Variants in CA10 observed in about 807,000 individuals in gnomAD.
The protein encoded by CA10 is carbonic anhydrase-related protein 10.
CA10 carries 14 observed loss-of-function variants against 44.2 expected under a neutral mutation model. The ratio of observed to expected loss-of-function variants is 0.32; its 90% CI spans 0.21 to 0.50. The LOEUF (loss-of-function observed/expected upper bound fraction) is 0.50, where lower values mean the gene tolerates loss of function less well. CA10 is among the 20% of genes least tolerant of loss of function. The pLI is 0.99. For missense variants in CA10, 350 were observed against 409.7 expected (o/e 0.85, Z 1.26); for synonymous variants, 159 against 141.6 (o/e 1.12, Z -0.87).
At chr17:51,851,613 T>C (rs970351143) in intron 3 of CA10, among the ~76,000 whole-genome samples, 5 of 152,220 alleles carry the variant, frequency 3.3e-5, no homozygotes, top group Non-Finnish European at 7.3e-5. Context: ...TGAAGCAACT[T>C]ATTTTAGGGT....
At chr17:52,130,695 CTTCT>C (rs919620202) in intron 1 of CA10, among the ~76,000 whole-genome samples, 11 of 151,854 alleles carry the variant, frequency 7.2e-5, no homozygotes, top group African/African-American at 2.4e-4. Context: ...GTCTTTTTTT[CTTCT>C]TTCTTTCTTT....
intron 2 of CA10, among the ~76,000 whole-genome samples, chr17:52,001,767 G>A (rs372544721): frequency 1.3e-5 from 2 of 151,972 alleles, no homozygotes; most frequent in African/African-American, 2.4e-5. Context: ...AAACTATCCT[G>A]CCTGAAGCAG....
intron 2 of CA10, among the ~76,000 whole-genome samples, chr17:52,013,341 G>C (rs984069572): frequency 6.6e-6 from 1 of 151,546 alleles, no homozygotes; most frequent in Non-Finnish European, 1.5e-5. Context: ...AGAAGAGATA[G>C]AAATCACAAT....
chr17:51,662,700 T>A (rs1360127337), intron 4 of CA10, among the ~76,000 whole-genome samples: 10 of 152,224 alleles, frequency 6.6e-5, no homozygotes, highest in African/African-American at 2.4e-4. Flanking sequence ...GTAACTATCA[T>A]GGGTCTGTCC....
At chr17:51,935,591 T>G (rs1048312013) in intron 2 of CA10, among the ~76,000 whole-genome samples, 2 of 152,198 alleles carry the variant, frequency 1.3e-5, no homozygotes, top group African/African-American at 4.8e-5. Context: ...AGCGATGTGT[T>G]ATCTTGCCAA....
chr17:51,663,239 T>TAAC (rs1914074900), intron 4 of CA10, among the ~76,000 whole-genome samples: 1 of 402 alleles, frequency 2.5e-3, no homozygotes, highest in Non-Finnish European at 5.5e-3. Context: ...TCGAGACCAC[T>TAAC]TTTTCTCGAT....
intron 1 of CA10, among the ~76,000 whole-genome samples, chr17:52,103,200 T>C (rs1411547116): frequency 6.6e-6 from 1 of 152,172 alleles, no homozygotes; most frequent in Non-Finnish European, 1.5e-5. Context: ...TACACAGCCC[T>C]AAGTAAGACT....
intron 3 of CA10, among the ~76,000 whole-genome samples, chr17:51,865,653 T>C (rs953068953): frequency 6.6e-6 from 1 of 152,196 alleles, no homozygotes; most frequent in African/African-American, 2.4e-5. Flanking sequence ...AGATAGAAGT[T>C]ATTCTTCCAA....
chr17:51,702,157 T>A (rs116951203), intron 4 of CA10, among the ~76,000 whole-genome samples: 1 of 152,230 alleles, frequency 6.6e-6, no homozygotes, highest in Admixed American at 6.5e-5. Flanking sequence ...GCACCTATTA[T>A]GTGCCAGGCA....
intron 3 of CA10, among the ~76,000 whole-genome samples, chr17:51,870,454 C>T (rs563374335): frequency 2.6e-5 from 4 of 152,264 alleles, no homozygotes; most frequent in African/African-American, 9.6e-5. Flanking sequence ...TCAAATAAGT[C>T]CATCAAGGTG....
At chr17:52,071,333 A>C (rs1447191826) in intron 2 of CA10, among the ~76,000 whole-genome samples, 1 of 152,192 alleles carries the variant, frequency 6.6e-6, no homozygotes, top group Non-Finnish European at 1.5e-5. Context: ...CTCCAACTGC[A>C]AAGCCTCACG....
intron 2 of CA10, among the ~76,000 whole-genome samples, chr17:51,943,254 G>T (rs1220522775): frequency 6.6e-6 from 1 of 152,082 alleles, no homozygotes; most frequent in African/African-American, 2.4e-5. Flanking sequence ...TAGAGAAGCT[G>T]GTTAGGTGCT....
chr17:51,636,331 C>A (rs1567783006), intron 6 of CA10, among the ~76,000 whole-genome samples: 1 of 152,200 alleles, frequency 6.6e-6, no homozygotes, highest in Non-Finnish European at 1.5e-5. Context: ...GAGCAGTAAA[C>A]ACCTGGACCT....
At chr17:51,860,366 G>C (rs1247977812) in intron 3 of CA10, among the ~76,000 whole-genome samples, 1 of 152,162 alleles carries the variant, frequency 6.6e-6, no homozygotes, top group Non-Finnish European at 1.5e-5. Flanking sequence ...GCATTGTCTT[G>C]TTTTCTTTCT....
At chr17:52,057,137 A>G (rs1173887892) in intron 2 of CA10, among the ~76,000 whole-genome samples, 2 of 152,104 alleles carry the variant, frequency 1.3e-5, no homozygotes, top group Non-Finnish European at 2.9e-5. Context: ...TGCATAGTAG[A>G]GAATCAGTAA....
intron 2 of CA10, among the ~76,000 whole-genome samples, chr17:52,028,500 G>T (rs1986367916): frequency 1.3e-5 from 2 of 152,146 alleles, no homozygotes; most frequent in South Asian, 4.1e-4. Context: ...ACCTTTTAAA[G>T]GTACTGATCT....
chr17:51,938,977 T>C (rs560954180), intron 2 of CA10, among the ~76,000 whole-genome samples: 1 of 152,204 alleles, frequency 6.6e-6, no homozygotes, highest in Admixed American at 6.5e-5. Context: ...AATGTATGTA[T>C]GGTAACAGGT....
chr17:51,970,741 T>C (rs1371924637), intron 2 of CA10, among the ~76,000 whole-genome samples: 4 of 152,132 alleles, frequency 2.6e-5, no homozygotes, highest in Non-Finnish European at 4.4e-5. Context: ...TTGTGTTTTG[T>C]TTATTCTGCT....
At chr17:51,857,176 A>G (rs759507308) in intron 3 of CA10, among the ~76,000 whole-genome samples, 1 of 152,190 alleles carries the variant, frequency 6.6e-6, no homozygotes, top group Non-Finnish European at 1.5e-5. Context: ...ATTTAGTGCC[A>G]TTTACAAAGT....
Sources: allele counts gnomAD v4.1 joint callset (sites outside exome capture counted in the v4.1 genomes callset), GRCh38; gene constraint gnomAD v4.1.1; transcripts MANE v1.5; gene names NCBI Gene and HGNC (gene_info 2026-07-23, HGNC 2026-07-21).